The following KCNU1 variants were observed in gnomAD, a reference collection of about 807,000 sequenced individuals.
KCNU1 encodes the protein potassium channel subfamily U member 1.
KCNU1 carries 93 observed loss-of-function variants against 126.8 expected under a neutral mutation model. That is an observed-to-expected ratio of 0.73 (90% CI 0.62 to 0.87). The LOEUF is 0.87. Ranked by LOEUF, KCNU1 falls within the 40% of genes least tolerant of loss-of-function variation. The probability of loss-of-function intolerance (pLI) is 0.00; values close to 1 mark genes in which losing one functional copy is unlikely to be tolerated. For synonymous variants in KCNU1, 523 were observed against 494.2 expected, an observed-to-expected ratio of 1.06 and a Z score of -0.77; for missense variants, 1,330 against 1,367.1, an observed-to-expected ratio of 0.97 and a Z score of 0.43.
At chr8:36,812,464 C>G (rs1402434197) in intron 7 of KCNU1, among the ~76,000 whole-genome samples, 1 of 150,964 alleles carries the variant, frequency 6.6e-6, no homozygotes, top group Admixed American at 6.6e-5. Flanking sequence ...ATTATCACTA[C>G]AGACTAGAAT....
intron 2 of KCNU1, among the ~76,000 whole-genome samples, chr8:36,797,903 G>C (rs544911581): frequency 1.3e-5 from 2 of 152,160 alleles, no homozygotes; most frequent in Non-Finnish European, 2.9e-5. Flanking sequence ...CCTCTGTTTT[G>C]TGAGGCGGGG....
rs1807765893 is a variant in KCNU1 at position 36,909,317 on chromosome 8, A to C, written c.2113A>C (p.Thr705Pro). Reference sequence around the variant, plus strand: ...GTGGCATCCTTATCCTTAGAAACGAACTGGCAAGTCAAAGTATAAGTTTCG... The same window carrying C: ...GTGGCATCCTTATCCTTAGAAACGACCTGGCAAGTCAAAGTATAAGTTTCG... ...TSLDKVTLKRTGKSKYKFRNH... is the reference protein window; with the variant it reads ...TSLDKVTLKRPGKSKYKFRNH... Residue 705 changes from threonine to proline, a missense_variant, in exon 21 of 27, where the codon ACT (threonine) becomes CCT (proline). Thr to Pro is a conservative substitution (Grantham distance 38). Transcript: ENST00000399881. The C allele has an allele frequency of 3.1e-6, 5 of 1,610,194 alleles. No individual in the cohort carries two copies. Among genetic ancestry groups the C allele is most frequent in the Non-Finnish European group, 4.2e-6 (5 of 1,176,480 alleles).
chr8:36,805,313 A>G (rs1163806895), intron 4 of KCNU1, 28 bp downstream of exon 4: 9 of 1,320,118 alleles, frequency 6.8e-6, no homozygotes, highest in East Asian at 2.4e-5. Flanking sequence ...GTGGGAGTGA[A>G]TATCCAAACA....
At chr8:36,815,743 A>G in intron 9 of KCNU1, 56 bp downstream of exon 9, 2 of 1,007,332 alleles carry the variant, frequency 2.0e-6, no homozygotes, top group Non-Finnish European at 3.0e-6. Context: ...TTAGCCATAT[A>G]TCTCGTTCTA....
chr8:36,914,870 T>C (rs1370587914), intron 22 of KCNU1, among the ~76,000 whole-genome samples: 1 of 152,224 alleles, frequency 6.6e-6, no homozygotes, highest in African/African-American at 2.4e-5. Flanking sequence ...CAATCTTTTG[T>C]AATAGCACCC....
intron 5 of KCNU1, 149 bp downstream of exon 5, chr8:36,806,529 TTGCAGAAACC>T: frequency 1.7e-6 from 1 of 575,556 alleles, no homozygotes; most frequent in Non-Finnish European, 3.1e-6. Flanking sequence ...TGTCATACAC[TTGCAGAAACC>T]TTTTGACTTT....
At chr8:36,914,153 A>G (rs551474664) in intron 22 of KCNU1, among the ~76,000 whole-genome samples, 1 of 152,318 alleles carries the variant, frequency 6.6e-6, no homozygotes, top group South Asian at 2.1e-4. Context: ...CTGAAATTAT[A>G]AAGGATCATG....
At chr8:36,927,257 C>T (rs1249476864) in intron 24 of KCNU1, among the ~76,000 whole-genome samples, 1 of 152,104 alleles carries the variant, frequency 6.6e-6, no homozygotes, top group Non-Finnish European at 1.5e-5. Context: ...CCCTCCAAAC[C>T]TTCTGATACA....
intron 18 of KCNU1, among the ~76,000 whole-genome samples, chr8:36,849,786 T>C (rs1805279010): frequency 6.6e-6 from 1 of 152,202 alleles, no homozygotes; most frequent in Non-Finnish European, 1.5e-5. Flanking sequence ...GCTATGCACA[T>C]TGGGGCACAA....
intron 20 of KCNU1, 131 bp downstream of exon 20, chr8:36,905,935 C>G: frequency 7.2e-6 from 4 of 552,412 alleles, no homozygotes; most frequent in East Asian, 3.2e-5. Context: ...AGAAAAAAAC[C>G]CACATCCCTC....
At chr8:36,813,431 G>A (rs983746910) in intron 7 of KCNU1, among the ~76,000 whole-genome samples, 3 of 151,086 alleles carry the variant, frequency 2.0e-5, no homozygotes, top group Non-Finnish European at 1.5e-5. Context: ...GAGAAAAAAA[G>A]GTCTAAAAGA....
chr8:36,848,445 G>A lies in KCNU1; in HGVS notation c.1891+2546G>A, dbSNP rs957038763. Among the ~76,000 whole-genome samples the A allele has an allele frequency of 9.2e-5, 14 of 152,170 alleles. No individual in the cohort carries two copies. The South Asian group carries it at 1.2e-3, about 14-fold the overall frequency. ...TCCATTTAAGTCTTTAATCCATTTC[G>A]AGCTAATTTTTATATGGGGTGAAAG... On this transcript the variant is annotated intron_variant, in intron 18 of 26. Transcript: ENST00000399881.
At chr8:36,822,054 G>A (rs1466506713) in intron 10 of KCNU1, among the ~76,000 whole-genome samples, 1 of 152,064 alleles carries the variant, frequency 6.6e-6, no homozygotes, top group Non-Finnish European at 1.5e-5. Context: ...CCTACCAAAA[G>A]TGGAGTCCAT....
chr8:36,909,612 T>C lies in KCNU1; in HGVS notation c.2331+77T>C, dbSNP rs139978258. ...AGGACTAGAATTAATAATGATAATA[T>C]TGCAGTTCTACAGTCCTTGCCAGAT... On this transcript the variant is annotated intron_variant, in intron 21 of 26. Coordinates refer to ENST00000399881, the MANE Select transcript of KCNU1 (RefSeq NM_001031836.3). 3.5e-5 allele frequency: 30 copies of C among 866,926 alleles called. No homozygotes were observed. In the African/African-American group the frequency reaches 5.1e-4, roughly 15 times the overall value. 53.7% of individuals were successfully genotyped at this position (866,926 alleles called of 1,614,324 possible).
At chr8:36,818,418 A>G (rs1803999807) in intron 10 of KCNU1, among the ~76,000 whole-genome samples, 1 of 151,670 alleles carries the variant, frequency 6.6e-6, no homozygotes, top group Non-Finnish European at 1.5e-5. Flanking sequence ...TGACTTTTCT[A>G]CTCAATATAT....
At chr8:36,867,837 G>C (rs924557935) in intron 19 of KCNU1, among the ~76,000 whole-genome samples, 7 of 152,256 alleles carry the variant, frequency 4.6e-5, no homozygotes, top group African/African-American at 1.7e-4. Context: ...CATCTAAAGG[G>C]AGAATGGATC....
chr8:36,896,230 A>G (rs1011309380), intron 19 of KCNU1, among the ~76,000 whole-genome samples: 1 of 152,004 alleles, frequency 6.6e-6, no homozygotes, highest in East Asian at 1.9e-4. Context: ...AAGTACCTAC[A>G]TGATATCGAT....
intron 23 of KCNU1, among the ~76,000 whole-genome samples, chr8:36,920,040 C>A (rs1011942019): frequency 7.2e-5 from 11 of 152,164 alleles, no homozygotes; most frequent in Non-Finnish European, 1.6e-4. Context: ...ATCCTAGTAC[C>A]TGCCTGCCTA....
intron 1 of KCNU1, 130 bp downstream of exon 1, chr8:36,784,735 C>T (rs1563253338): frequency 6.9e-6 from 5 of 725,934 alleles, no homozygotes; most frequent in Non-Finnish European, 1.1e-5. Context: ...TAGCCTGGTG[C>T]CTCAGAAAGG....
Sources: allele counts gnomAD v4.1 joint callset (sites outside exome capture counted in the v4.1 genomes callset), GRCh38; gene constraint gnomAD v4.1.1; transcripts MANE v1.5; gene names NCBI Gene and HGNC (gene_info 2026-07-23, HGNC 2026-07-21).